SNTB1: variants seen among roughly 807,000 people sequenced by gnomAD.
SNTB1 encodes syntrophin beta 1.
In SNTB1, 36 loss-of-function variants were observed where a neutral mutation model predicts 48.9. The ratio of observed to expected loss-of-function variants is 0.74; its 90% confidence interval spans 0.56 to 0.97. The LOEUF is 0.97. Among genes scored for constraint, SNTB1 ranks in the 50% least tolerant of loss-of-function variants. SNTB1 has a pLI of 0.00. For missense variants in SNTB1, 786 were observed against 703.4 expected (o/e 1.12, Z -1.33); for synonymous variants, 299 against 294.6 (o/e 1.01, Z -0.15).
intron 1 of SNTB1, among the ~76,000 whole-genome samples, chr8:120,696,270 G>A (rs1170433430): frequency 1.3e-5 from 2 of 152,174 alleles, no homozygotes; most frequent in Non-Finnish European, 2.9e-5. Context: ...TGCTTCATGG[G>A]GAAGGTGCCA....
chr8:120,759,274 T>A (rs1393905828), intron 1 of SNTB1, among the ~76,000 whole-genome samples: 4 of 152,166 alleles, frequency 2.6e-5, no homozygotes, highest in Non-Finnish European at 5.9e-5. Flanking sequence ...TGAAATACCT[T>A]CAGAGGGCAA....
In SNTB1 at chr8:120,607,376, C is replaced by CT. The variant is rs201432492; in HGVS notation, c.996+25067dup. ...CCAATGAACTTGCCATTTAACTTTT[C>CT]TTTTTTTTTCTTTTCTTTTTTGTGT... On this transcript the variant is annotated intron_variant, in intron 3 of 6. Transcript: ENST00000517992. Among the ~76,000 whole-genome samples the CT allele has an allele frequency of 7.5e-3, 1,129 of 151,282 alleles. 11 individuals carry two copies. The highest frequency in any genetic ancestry group is 0.025 in the African/African-American group (1,041 of 41,242).
intron 1 of SNTB1, among the ~76,000 whole-genome samples, chr8:120,696,913 G>A (rs1818219904): frequency 6.6e-6 from 1 of 152,232 alleles, no homozygotes; most frequent in African/African-American, 2.4e-5. Context: ...TCTACAGGCA[G>A]TAGTGATAGT....
chr8:120,812,042 C>T lies in SNTB1; in HGVS notation c.-199G>A, dbSNP rs1587184972. ...AGCTGCACTCAGGCTGGTTCCCCCTCGCCTGATCCTGACCGGGGTGGAGCA... is the reference window on the plus strand; with the variant it reads ...AGCTGCACTCAGGCTGGTTCCCCCTTGCCTGATCCTGACCGGGGTGGAGCA... On this transcript the variant is annotated 5_prime_UTR_variant, in exon 1 of 7. Transcript: ENST00000517992. The T allele has an allele frequency of 1.1e-5, 14 of 1,253,006 alleles. No individual in the cohort carries two copies. In the East Asian group the frequency reaches 4.0e-4, roughly 36 times the overall value. The allele number at this position is 1,253,006 out of a possible 1,614,324, so 77.6% of individuals were successfully genotyped here.
chr8:120,720,038 C>A (rs1365330171), intron 1 of SNTB1, among the ~76,000 whole-genome samples: 4 of 152,226 alleles, frequency 2.6e-5, no homozygotes, highest in Non-Finnish European at 2.9e-5. Context: ...AATGCCTGGG[C>A]AGCCATCAAA....
chr8:120,747,176 A>G (rs572981669), intron 1 of SNTB1, among the ~76,000 whole-genome samples: 178 of 152,372 alleles, frequency 1.2e-3, no homozygotes, highest in African/African-American at 3.8e-3. Flanking sequence ...AATACTATGC[A>G]GCCATAAAAA....
At chr8:120,594,964 A>G (rs1304210417) in intron 3 of SNTB1, among the ~76,000 whole-genome samples, 1 of 152,006 alleles carries the variant, frequency 6.6e-6, no homozygotes, top group Non-Finnish European at 1.5e-5. Flanking sequence ...TAAAATGGTC[A>G]ATTTTATGTT....
In SNTB1 at chr8:120,770,307, A is replaced by G. The variant is rs10105879; in HGVS notation, c.571+40966T>C. On this transcript the variant is annotated intron_variant, in intron 1 of 6. Coordinates refer to ENST00000517992, the MANE Select transcript of SNTB1 (RefSeq NM_021021.4). ...ACCACCATCCACTTTGCAGGAAGTG[A>G]GGTCAGTGTGGATCCTTTCCTTGGC... 2.0e-3 allele frequency among the ~76,000 whole-genome samples: 311 copies of G among 152,218 alleles called. 1 individual carries two copies. Among genetic ancestry groups the G allele is most frequent in the African/African-American group, 7.2e-3 (297 of 41,530 alleles).
At chr8:120,665,047 T>G (rs907174192) in intron 2 of SNTB1, among the ~76,000 whole-genome samples, 1 of 152,238 alleles carries the variant, frequency 6.6e-6, no homozygotes, top group Non-Finnish European at 1.5e-5. Context: ...CCTTTTCCTG[T>G]GCTTATTTTC....
At chr8:120,723,536 C>T (rs895793730) in intron 1 of SNTB1, among the ~76,000 whole-genome samples, 2 of 152,136 alleles carry the variant, frequency 1.3e-5, no homozygotes, top group Non-Finnish European at 2.9e-5. Context: ...GTTTGCTAAG[C>T]CCACTCTGTA....
At chr8:120,779,844 A>G (rs1008692113) in intron 1 of SNTB1, among the ~76,000 whole-genome samples, 2 of 152,190 alleles carry the variant, frequency 1.3e-5, no homozygotes, top group African/African-American at 4.8e-5. Flanking sequence ...TGGGTCGTCC[A>G]TGTAGGAACA....
chr8:120,811,835 T>A lies in SNTB1; in HGVS notation c.9A>T (p.Val3=). 1.5e-6 allele frequency: 2 copies of A among 1,345,800 alleles called. No individual in the cohort carries two copies. The highest frequency in any genetic ancestry group is 1.9e-6 in the Non-Finnish European group (2 of 1,052,504). The allele number at this position is 1,345,800 out of a possible 1,614,324, so 83.4% of individuals were successfully genotyped here. Residue 3 remains valine (V), a synonymous_variant, in exon 1 of 7, where the codon GTA becomes GTT. Transcript: ENST00000517992. MA[V]AAAAAAAGPA... The stretch of plus-strand genomic sequence containing the variant: ...GCCCAGCCGCCGCCGCCGCCGCCGC[T>A]ACCGCCATCTTTCCGGCATTCTTAA...
At chr8:120,564,987 T>C (rs149125786) in intron 4 of SNTB1, among the ~76,000 whole-genome samples, 1 of 152,364 alleles carries the variant, frequency 6.6e-6, no homozygotes, top group African/African-American at 2.4e-5. Context: ...CTGTCAAATC[T>C]GATATGATGA....
At chr8:120,740,364 T>C (rs1482042889) in intron 1 of SNTB1, among the ~76,000 whole-genome samples, 3 of 152,216 alleles carry the variant, frequency 2.0e-5, no homozygotes, top group African/African-American at 7.2e-5. Context: ...TTTCCTTTCA[T>C]TGATTTTGCA....
chr8:120,668,923 T>C (rs138854778), intron 2 of SNTB1, among the ~76,000 whole-genome samples: 1 of 152,308 alleles, frequency 6.6e-6, no homozygotes, highest in East Asian at 1.9e-4. Context: ...ATAACCATAA[T>C]AGAAAGTTGG....
intron 4 of SNTB1, among the ~76,000 whole-genome samples, chr8:120,558,361 G>A (rs1035593827): frequency 5.9e-5 from 9 of 152,274 alleles, no homozygotes; most frequent in Admixed American, 1.3e-4. Flanking sequence ...ACCCTGGGAC[G>A]GGGTTTGAAG....
At chr8:120,627,877 T>G (rs1816910014) in intron 3 of SNTB1, among the ~76,000 whole-genome samples, 1 of 152,194 alleles carries the variant, frequency 6.6e-6, no homozygotes, top group Admixed American at 6.5e-5. Flanking sequence ...GCTCAAATTC[T>G]AAATCTACCA....
At chr8:120,776,829 T>C (rs1002621233) in intron 1 of SNTB1, 3 of 152,152 alleles carry the variant, frequency 2.0e-5, no homozygotes, top group African/African-American at 7.2e-5. Flanking sequence ...ACAATCTACA[T>C]GTCCTTGGGC....
chr8:120,747,352 A>C (rs1819142133), intron 1 of SNTB1, among the ~76,000 whole-genome samples: 1 of 152,196 alleles, frequency 6.6e-6, no homozygotes, highest in African/African-American at 2.4e-5. Flanking sequence ...GTGCAGTGGC[A>C]CAATCTTGGC....
Sources: allele counts gnomAD v4.1 joint callset (sites outside exome capture counted in the v4.1 genomes callset), GRCh38; gene constraint gnomAD v4.1.1; transcripts MANE v1.5; gene names NCBI Gene and HGNC (gene_info 2026-07-23, HGNC 2026-07-21).